The following RPH3A variants were observed in gnomAD, a reference collection of about 807,000 sequenced individuals.
The protein encoded by RPH3A is rabphilin 3A, also known as rabphilin-3A.
A neutral mutation model predicts 102.2 loss-of-function variants in RPH3A; 48 were observed. The ratio of observed to expected loss-of-function variants is 0.47; its 90% confidence interval spans 0.37 to 0.60. The LOEUF is 0.60. Ranked by LOEUF, RPH3A falls within the 20% of genes least tolerant of loss-of-function variation. The pLI, the probability that RPH3A is intolerant of heterozygous loss-of-function variation, is 0.00. For missense variants in RPH3A, 781 were observed against 910.1 expected (o/e 0.86, Z 1.83); for synonymous variants, 310 against 324.3 (o/e 0.96, Z 0.47).
intron 1 of RPH3A, among the ~76,000 whole-genome samples, chr12:112,747,086 T>A (rs2040753275): frequency 6.6e-6 from 1 of 152,200 alleles, no homozygotes; most frequent in Non-Finnish European, 1.5e-5. Flanking sequence ...AGAGCAAGGA[T>A]TTTTGTCTTG....
chr12:112,834,664 G>A (rs370296284), intron 3 of RPH3A, among the ~76,000 whole-genome samples: 16 of 152,256 alleles, frequency 1.1e-4, no homozygotes, highest in Middle Eastern at 3.4e-3. Flanking sequence ...GTATTTCATT[G>A]TGGTTTTAAT....
rs2043083483 is a variant in RPH3A, at chr12:112,890,896, C to T, written c.1668C>T (p.Val556=). The change falls in exon 19 of 22, where the codon GTC becomes GTT. Residue 556 remains valine, a synonymous_variant. Coordinates refer to ENST00000389385, the MANE Select transcript of RPH3A (RefSeq NM_001143854.2). The part of the protein sequence containing the change: ...GDIEERGKIL[V]SLMYSTQQGG... The stretch of plus-strand genomic sequence containing the variant: ...TCGAGGAGCGTGGCAAGATCCTGGT[C>T]TCCCTCATGTACAGCACACAGCAGG... The T allele has an allele frequency of 1.9e-6, 3 of 1,614,050 alleles. No individual in the cohort carries two copies. Among genetic ancestry groups the T allele is most frequent in the Non-Finnish European group, 2.5e-6 (3 of 1,179,974 alleles).
At chr12:112,801,517 G>A (rs2041353832) in intron 2 of RPH3A, among the ~76,000 whole-genome samples, 2 of 152,216 alleles carry the variant, frequency 1.3e-5, no homozygotes, top group South Asian at 2.1e-4. Context: ...AGTGCTTCGA[G>A]GAAAGCTCCC....
intron 1 of RPH3A, among the ~76,000 whole-genome samples, chr12:112,688,429 C>T (rs1239923982): frequency 6.6e-6 from 1 of 152,150 alleles, no homozygotes; most frequent in Non-Finnish European, 1.5e-5. Flanking sequence ...GAATCAAAAT[C>T]ATAGCCGTGA....
chr12:112,813,093 G>A (rs553954580), intron 2 of RPH3A, among the ~76,000 whole-genome samples: 1 of 152,314 alleles, frequency 6.6e-6, no homozygotes, highest in Non-Finnish European at 1.5e-5. Context: ...TAGAAGGAAA[G>A]AAAGGCATAG....
chr12:112,700,042 T>G (rs555355112), intron 1 of RPH3A, among the ~76,000 whole-genome samples: 28 of 152,302 alleles, frequency 1.8e-4, no homozygotes, highest in African/African-American at 6.7e-4. Flanking sequence ...AGCCACTGAC[T>G]TAAAGGAATA....
chr12:112,620,453 C>T (rs746390020), intron 1 of RPH3A, among the ~76,000 whole-genome samples: 1 of 152,182 alleles, frequency 6.6e-6, no homozygotes, highest in East Asian at 1.9e-4. Context: ...CCTTCCATCT[C>T]TAAACAGCAT....
intron 12 of RPH3A, among the ~76,000 whole-genome samples, chr12:112,875,976 C>A (rs1290444750): frequency 2.6e-5 from 4 of 152,286 alleles, no homozygotes; most frequent in East Asian, 1.9e-4. Flanking sequence ...AATCCCTGCC[C>A]CTTCACTTCC....
intron 1 of RPH3A, among the ~76,000 whole-genome samples, chr12:112,740,544 A>C (rs1397892038): frequency 1.3e-5 from 2 of 152,196 alleles, no homozygotes; most frequent in African/African-American, 2.4e-5. Flanking sequence ...TGCATAGCCA[A>C]GTGGATGCAG....
rs1226415719 is a variant in RPH3A at position 112,890,827 on chromosome 12, A to G, written c.1621-22A>G. ...TGGCCCCCTCCCCTCCAAGGCCCAC[A>G]CTGCCTTTTCCCCCAATGCAGCAGG... On this transcript the variant is annotated intron_variant, in intron 18 of 21. Transcript: ENST00000389385. The G allele has an allele frequency of 1.2e-6, 2 of 1,610,608 alleles. 1 individual carries two copies. The highest frequency in any genetic ancestry group is 3.4e-4 in the Middle Eastern group (2 of 5,936).
rs1565856803 is a variant in RPH3A at position 112,712,925 on chromosome 12, C to CTTCTTCTTCTTCTTCTTCTTCT, written c.-139-79217_-139-79216insTCTTCTTCTTCTTCTTCTTCTT. ...CTTCCTCTTCTTCTTCTTCTTCTTC[C>CTTCTTCTTCTTCTTCTTCTTCT]TCTTCTTCTTCTTCTTCTTCTTCTT... On this transcript the variant is annotated intron_variant, in intron 1 of 21. Coordinates refer to the RPH3A transcript ENST00000543106. Among the ~76,000 whole-genome samples, 67 of 94,536 alleles carry CTTCTTCTTCTTCTTCTTCTTCT rather than the reference C, an allele frequency of 7.1e-4. 8 individuals carry two copies. Among genetic ancestry groups the CTTCTTCTTCTTCTTCTTCTTCT allele is most frequent in the African/African-American group, 2.9e-3 (64 of 21,900 alleles). The allele number at this position is 94,536 out of a possible 152,430, so 62.0% of individuals were successfully genotyped here.
chr12:112,863,969 G>C (rs2042565400), intron 5 of RPH3A, among the ~76,000 whole-genome samples: 1 of 152,222 alleles, frequency 6.6e-6, no homozygotes, highest in Non-Finnish European at 1.5e-5. Flanking sequence ...GAACAGACAA[G>C]GTGCCTGGCC....
At chr12:112,839,314 CTTTTTTTTT>C (rs2042105332) in intron 4 of RPH3A, among the ~76,000 whole-genome samples, 1 of 150,142 alleles carries the variant, frequency 6.7e-6, no homozygotes. Flanking sequence ...TCTTTTTTTT[CTTTTTTTTT>C]GCCATGGTGA....
intron 1 of RPH3A, among the ~76,000 whole-genome samples, chr12:112,716,615 C>A (rs2040514707): frequency 6.6e-6 from 1 of 152,178 alleles, no homozygotes; most frequent in Non-Finnish European, 1.5e-5. Flanking sequence ...GTTGGAAGGG[C>A]ACATCTCACT....
At chr12:112,872,948 T>C (rs762037643) in intron 10 of RPH3A, among the ~76,000 whole-genome samples, 9 of 152,338 alleles carry the variant, frequency 5.9e-5, no homozygotes, top group African/African-American at 1.9e-4. Flanking sequence ...GCAGGACTTA[T>C]CACTGTCTAA....
intron 17 of RPH3A, among the ~76,000 whole-genome samples, chr12:112,888,305 G>A (rs1199806407): frequency 1.3e-5 from 2 of 152,232 alleles, no homozygotes; most frequent in African/African-American, 4.8e-5. Context: ...AACAGTACCT[G>A]CCTCTTGGGA....
intron 1 of RPH3A, among the ~76,000 whole-genome samples, chr12:112,761,598 G>A (rs1835639385): frequency 6.6e-6 from 1 of 152,240 alleles, no homozygotes; most frequent in South Asian, 2.1e-4. Flanking sequence ...GCTCCTGGCA[G>A]CTGCCTGCTT....
chr12:112,643,781 G>C (rs1416704667), intron 1 of RPH3A, among the ~76,000 whole-genome samples: 1 of 152,210 alleles, frequency 6.6e-6, no homozygotes, highest in Admixed American at 6.5e-5. Flanking sequence ...TGCAAAAATA[G>C]AACTAATATT....
intron 2 of RPH3A, among the ~76,000 whole-genome samples, chr12:112,798,894 T>C (rs888635901): frequency 6.6e-6 from 1 of 152,002 alleles, no homozygotes; most frequent in African/African-American, 2.4e-5. Context: ...TCCTTTTCTC[T>C]CTCTCTCTCC....
Sources: gnomAD v4.1 joint callset for allele counts (sites outside exome capture counted in the v4.1 genomes callset) on GRCh38, gnomAD v4.1.1 for gene constraint, MANE v1.5 for transcripts, NCBI Gene and HGNC (gene_info 2026-07-23, HGNC 2026-07-21) for gene names.